The following PLCH1 variants were observed in gnomAD, a reference collection of about 807,000 sequenced individuals.
The protein encoded by PLCH1 is 1-phosphatidylinositol 4,5-bisphosphate phosphodiesterase eta-1.
PLCH1 carries 60 observed loss-of-function variants against 126.7 expected under a neutral mutation model. The observed-to-expected ratio is 0.47, with a 90% confidence interval of 0.38 to 0.59. PLCH1 has a LOEUF of 0.59. Ranked by LOEUF, PLCH1 falls within the 20% of genes least tolerant of loss-of-function variation. The pLI is 0.00. For synonymous variants in PLCH1, 719 were observed against 734.9 expected, an observed-to-expected ratio of 0.98 and a Z score of 0.35; for missense variants, 1,723 against 2,040.0, an observed-to-expected ratio of 0.84 and a Z score of 2.99.
At chr3:155,575,753 C>G in intron 6 of PLCH1, among the ~76,000 whole-genome samples, 1 of 152,072 alleles carries the variant, frequency 6.6e-6, no homozygotes, top group Non-Finnish European at 1.5e-5. Context: ...AACTCCCAGG[C>G]TCAAGCAGTC....
Position 155,482,835 on chromosome 3 carries a change from C to T in PLCH1, c.3191G>A (p.Ser1064Asn), listed in dbSNP as rs1313619104. 1.2e-6 allele frequency: 2 copies of T among 1,614,104 alleles called. No individual in the cohort carries two copies. Among genetic ancestry groups the T allele is most frequent in the East Asian group, 2.2e-5 (1 of 44,866 alleles). Residue 1064 changes from serine to asparagine, a missense_variant, in exon 23 of 23, where the codon AGC (serine) becomes AAC (asparagine). This residue lies in a region of PLCH1 where 947 missense variants were observed against 977.1 expected (regional missense o/e 0.97). Coordinates refer to ENST00000460012, the MANE Select transcript of PLCH1 (RefSeq NM_014996.4). ...GGGACAGGGGTTTTCCTGGCAATTG[C>T]TTGTGGCATTTGATGTGGTTCTCCC... ...RGGRTTSNAT[S>N]NCQENPCPSK...
chr3:155,504,776 A>G, intron 12 of PLCH1, 150 bp from the exon 13 acceptor site: 1 of 603,932 alleles, frequency 1.7e-6, no homozygotes, highest in Non-Finnish European at 3.0e-6. Flanking sequence ...CTCCTGCTCC[A>G]CACTCCACTA....
chr3:155,562,752 C>T (rs1049727731), intron 8 of PLCH1, among the ~76,000 whole-genome samples: 5 of 152,188 alleles, frequency 3.3e-5, no homozygotes, highest in African/African-American at 1.2e-4. Context: ...ATGTTCTCTC[C>T]TACTTCTCTG....
intron 2 of PLCH1, among the ~76,000 whole-genome samples, chr3:155,626,492 G>A (rs1254807665): frequency 5.3e-5 from 8 of 152,204 alleles, no homozygotes; most frequent in Admixed American, 4.6e-4. Flanking sequence ...GTAAGTGGCT[G>A]GGCGCTGTGG....
Position 155,453,453 on chromosome 3 carries a change from T to G in PLCH1, c.2938+31903A>C, listed in dbSNP as rs1012747473. On this transcript the variant is annotated intron_variant, in intron 21 of 21. Coordinates refer to the PLCH1 transcript ENST00000494598. Reference sequence around the variant, plus strand: ...AAGGATATGCAGGAATTATTTGTACTATTTTTGAAACTGTTTACCAAGTCT... The same window carrying G: ...AAGGATATGCAGGAATTATTTGTACGATTTTTGAAACTGTTTACCAAGTCT... Among the ~76,000 whole-genome samples, 3 of 152,190 alleles carry G rather than the reference T, an allele frequency of 2.0e-5. 1 individual carries two copies. Among genetic ancestry groups the G allele is most frequent in the Non-Finnish European group, 4.4e-5 (3 of 68,034 alleles).
At chr3:155,535,369 T>C (rs957175487) in intron 10 of PLCH1, among the ~76,000 whole-genome samples, 11 of 152,288 alleles carry the variant, frequency 7.2e-5, no homozygotes, top group African/African-American at 2.4e-4. Flanking sequence ...CAGCTTGCTT[T>C]CTCAGTGGGG....
chr3:155,731,812 A>G (rs1044344260), intron 1 of PLCH1, among the ~76,000 whole-genome samples: 2 of 151,942 alleles, frequency 1.3e-5, no homozygotes, highest in African/African-American at 4.8e-5. Flanking sequence ...GCAAAACCCC[A>G]TCTCTGCAGA....
At chr3:155,494,606 T>A in intron 15 of PLCH1, 89 bp from the exon 16 acceptor site, 5 of 1,050,084 alleles carry the variant, frequency 4.8e-6, no homozygotes, top group Admixed American at 4.0e-5. Context: ...TGTCAGATTA[T>A]ACCAATAGCA....
intron 2 of PLCH1, among the ~76,000 whole-genome samples, chr3:155,681,065 GA>G (rs1266291928): frequency 1.3e-5 from 2 of 151,878 alleles, no homozygotes; most frequent in African/African-American, 4.8e-5. Context: ...AAAAACATAT[GA>G]AAAAAATGTT....
chr3:155,723,784 G>C (rs1577370444), intron 1 of PLCH1, among the ~76,000 whole-genome samples: 1 of 151,586 alleles, frequency 6.6e-6, no homozygotes, highest in Non-Finnish European at 1.5e-5. Context: ...TGAAACCCTG[G>C]CTCTACTAAA....
intron 6 of PLCH1, among the ~76,000 whole-genome samples, chr3:155,582,075 CTTTTTTTTTTTTTT>C (rs869254665): frequency 1.6e-5 from 1 of 64,120 alleles, no homozygotes; most frequent in Admixed American, 2.6e-4. Flanking sequence ...TCTTTTCTTT[CTTTTTTTTTTTTTT>C]TTTTTTTTTT....
At chr3:155,699,001 T>TA (rs397875452) in intron 2 of PLCH1, among the ~76,000 whole-genome samples, 1 of 149,532 alleles carries the variant, frequency 6.7e-6, no homozygotes, top group African/African-American at 2.5e-5. Context: ...TTTTTTTTTT[T>TA]AACTCTTCCT....
chr3:155,557,370 C>A (rs940691973), intron 8 of PLCH1, among the ~76,000 whole-genome samples: 2 of 152,090 alleles, frequency 1.3e-5, no homozygotes, highest in African/African-American at 4.8e-5. Context: ...AATGCAAAGG[C>A]GACAAAGCAA....
At chr3:155,682,802 A>G (rs1744640042) in intron 2 of PLCH1, among the ~76,000 whole-genome samples, 1 of 152,242 alleles carries the variant, frequency 6.6e-6, no homozygotes, top group Admixed American at 6.5e-5. Flanking sequence ...GAGTATAACC[A>G]AACACTTAAA....
intron 21 of PLCH1, 41 bp downstream of exon 21, chr3:155,487,987 A>G (rs1209393989): frequency 8.9e-7 from 1 of 1,126,258 alleles, no homozygotes; most frequent in Admixed American, 1.7e-5. Flanking sequence ...GTTAAGGACC[A>G]TATTAATGTA....
intron 2 of PLCH1, among the ~76,000 whole-genome samples, chr3:155,696,621 C>G (rs1185017834): frequency 6.6e-6 from 1 of 152,086 alleles, no homozygotes; most frequent in Admixed American, 6.6e-5. Flanking sequence ...TAACACAGGT[C>G]TAAGGGGAAA....
chr3:155,478,027 A>G (rs1239663923), downstream of PLCH1, among the ~76,000 whole-genome samples: 2 of 152,196 alleles, frequency 1.3e-5, no homozygotes, highest in African/African-American at 4.8e-5. Flanking sequence ...ATGGATAAAG[A>G]AAATGTGGTA....
intron 1 of PLCH1, chr3:155,742,740 T>A (rs1359976798): frequency 6.6e-6 from 1 of 152,364 alleles, no homozygotes; most frequent in African/African-American, 2.4e-5. Context: ...TTGAGCTAGA[T>A]GGATTGCACA....
At chr3:155,461,104 A>G (rs1712707961) in intron 21 of PLCH1, among the ~76,000 whole-genome samples, 1 of 152,198 alleles carries the variant, frequency 6.6e-6, no homozygotes, top group Non-Finnish European at 1.5e-5. Flanking sequence ...TACTGTCTAT[A>G]ATGGTATGTT....
Sources: allele counts gnomAD v4.1 joint callset (sites outside exome capture counted in the v4.1 genomes callset), GRCh38; gene constraint gnomAD v4.1.1; regional missense constraint gnomAD v4.1.1; transcripts MANE v1.5; gene names NCBI Gene and HGNC (gene_info 2026-07-23, HGNC 2026-07-21).